Variants in VWC2 observed in about 807,000 individuals in gnomAD.
The protein encoded by VWC2 is brorin.
A neutral mutation model predicts 29.8 loss-of-function variants in VWC2; 14 were observed. The ratio of observed to expected loss-of-function variants is 0.47; its 90% confidence interval spans 0.31 to 0.74. The LOEUF is 0.74. Ranked by LOEUF, VWC2 falls within the 30% of genes least tolerant of loss-of-function variation. The pLI is 0.05. For synonymous variants in VWC2, 213 were observed against 199.0 expected, an observed-to-expected ratio of 1.07 and a Z score of -0.59; for missense variants, 457 against 459.8, an observed-to-expected ratio of 0.99 and a Z score of 0.05.
chr7:49,859,068 T>C (rs1033900359), intron 3 of VWC2, among the ~76,000 whole-genome samples: 3 of 152,254 alleles, frequency 2.0e-5, no homozygotes, highest in South Asian at 2.1e-4. Flanking sequence ...TTGTTTTACA[T>C]TGTGGCCCAT....
downstream of VWC2, among the ~76,000 whole-genome samples, chr7:49,922,142 T>A (rs1794045228): frequency 6.6e-6 from 1 of 152,200 alleles, no homozygotes; most frequent in Non-Finnish European, 1.5e-5. Context: ...TTTCTCTTAT[T>A]TAATGAAAGA....
At chr7:49,904,935 C>T (rs1793005818) in intron 3 of VWC2, among the ~76,000 whole-genome samples, 1 of 151,882 alleles carries the variant, frequency 6.6e-6, no homozygotes, top group Non-Finnish European at 1.5e-5. Flanking sequence ...GGGGTTTCAC[C>T]ATCTTGGCCA....
At chr7:49,880,256 A>G (rs1791607162) in intron 3 of VWC2, among the ~76,000 whole-genome samples, 1 of 152,164 alleles carries the variant, frequency 6.6e-6, no homozygotes, top group South Asian at 2.1e-4. Flanking sequence ...ATGTTGACAC[A>G]TTTCCATATA....
chr7:49,877,481 A>AAAAAAATATACAT lies in VWC2; in HGVS notation c.827-34552_827-34551insAAAAATATACATA. On this transcript the variant is annotated intron_variant, in intron 3 of 3. Transcript: ENST00000340652. ...CTGTCTCAAAAAAAAAAAAAAAAAA[A>AAAAAAATATACAT]ATATATATATATATATATATATATA... 3.9e-3 allele frequency among the ~76,000 whole-genome samples: 50 copies of AAAAAAATATACAT among 12,730 alleles called. 15 individuals carry two copies. The highest frequency in any genetic ancestry group is 6.6e-3 in the South Asian group (2 of 302). 8.4% of individuals were successfully genotyped at this position (12,730 alleles called of 152,430 possible).
chr7:49,882,061 ATTT>A (rs960140078), intron 3 of VWC2, among the ~76,000 whole-genome samples: 1 of 152,146 alleles, frequency 6.6e-6, no homozygotes, highest in Non-Finnish European at 1.5e-5. Flanking sequence ...TTGCTCATAA[ATTT>A]TTGTTTTAAA....
chr7:49,906,598 A>C (rs1361054768), intron 3 of VWC2, among the ~76,000 whole-genome samples: 2 of 152,216 alleles, frequency 1.3e-5, no homozygotes, highest in Non-Finnish European at 2.9e-5. Flanking sequence ...GGCCTCACAA[A>C]GTGCTGGGAT....
chr7:49,897,919 G>A (rs889055993), intron 3 of VWC2, among the ~76,000 whole-genome samples: 13 of 152,150 alleles, frequency 8.5e-5, no homozygotes, highest in African/African-American at 2.9e-4. Flanking sequence ...CACACTTCTT[G>A]CAGGGGGAGG....
chr7:49,784,749 T>C (rs894379315), intron 2 of VWC2, among the ~76,000 whole-genome samples: 1 of 152,196 alleles, frequency 6.6e-6, no homozygotes, highest in African/African-American at 2.4e-5. Context: ...GTCTGCAAAG[T>C]CCAAATGGAA....
intron 2 of VWC2, among the ~76,000 whole-genome samples, chr7:49,791,703 T>A (rs1219775712): frequency 2.0e-5 from 3 of 152,188 alleles, no homozygotes; most frequent in Non-Finnish European, 4.4e-5. Context: ...ATCTGACCCC[T>A]TGGCTTTGCC....
rs1360073019 is a variant in VWC2, at chr7:49,921,591, G to A, written c.*9406G>A. 6.6e-6 allele frequency: 1 copy of A among 152,112 alleles called. No individual in the cohort carries two copies. Among genetic ancestry groups the A allele is most frequent in the East Asian group, 1.9e-4 (1 of 5,198 alleles). The allele number at this position is 152,112 out of a possible 1,614,324, so 9.4% of individuals were successfully genotyped here. ...GTATCAACCACTAAGAGGATTAAAT[G>A]AGTGAATATTTGTAAAACACGTAGC... is the stretch of plus-strand genomic sequence containing the variant. On this transcript the variant is annotated 3_prime_UTR_variant, in exon 4 of 4. Coordinates refer to ENST00000340652, the MANE Select transcript of VWC2 (RefSeq NM_198570.5).
intron 3 of VWC2, among the ~76,000 whole-genome samples, chr7:49,885,653 C>T (rs1455484143): frequency 1.3e-5 from 2 of 152,206 alleles, no homozygotes; most frequent in South Asian, 2.1e-4. Context: ...TCTGAAAGTT[C>T]TACCTAGTCC....
chr7:49,839,388 T>C (rs891806968), intron 3 of VWC2, among the ~76,000 whole-genome samples: 1 of 152,218 alleles, frequency 6.6e-6, no homozygotes, highest in African/African-American at 2.4e-5. Flanking sequence ...TATGCTCGTT[T>C]AAAACATGCT....
intron 1 of VWC2, among the ~76,000 whole-genome samples, chr7:49,774,605 G>T (rs376137221): frequency 7.3e-4 from 111 of 152,290 alleles, no homozygotes; most frequent in Middle Eastern, 3.4e-3. Context: ...GACACTACAA[G>T]ACTGAGCGCT....
intron 2 of VWC2, among the ~76,000 whole-genome samples, chr7:49,779,822 G>GATGTCCATCTT (rs1788135873): frequency 6.6e-6 from 1 of 152,118 alleles, no homozygotes; most frequent in South Asian, 2.1e-4. Context: ...TCTCTCCTTG[G>GATGTCCATCTT]CTTGCAGATG....
At chr7:49,831,099 C>A (rs1562721987) in intron 3 of VWC2, among the ~76,000 whole-genome samples, 1 of 152,186 alleles carries the variant, frequency 6.6e-6, no homozygotes, top group Non-Finnish European at 1.5e-5. Context: ...AGGTGGTAAT[C>A]ACTCTTCTTT....
chr7:49,886,302 C>G (rs1338543805), intron 3 of VWC2, among the ~76,000 whole-genome samples: 1 of 151,856 alleles, frequency 6.6e-6, no homozygotes. Flanking sequence ...AGAGTACATT[C>G]CTATTTGGAA....
At chr7:49,847,010 C>T (rs1000257157) in intron 3 of VWC2, among the ~76,000 whole-genome samples, 2 of 152,174 alleles carry the variant, frequency 1.3e-5, no homozygotes, top group East Asian at 1.9e-4. Context: ...GAATTTAACT[C>T]TAACTTGCAG....
Position 49,799,277 on chromosome 7 carries a change from G to A in VWC2, c.697-3434G>A, listed in dbSNP as rs545291730. Among the ~76,000 whole-genome samples the A allele has an allele frequency of 1.1e-4, 16 of 152,348 alleles. No individual in the cohort carries two copies. The South Asian group carries it at 1.7e-3, about 16-fold the overall frequency. On this transcript the variant is annotated intron_variant, in intron 2 of 3. Coordinates refer to ENST00000340652, the MANE Select transcript of VWC2 (RefSeq NM_198570.5). The stretch of plus-strand genomic sequence containing the variant: ...AACTGCCTCAGGCCTAGGACAGCCC[G>A]CCTGCAGGAGATGGGAACATAAACC...
Position 49,824,195 on chromosome 7 carries a change from T to C in VWC2, c.826+21355T>C, listed in dbSNP as rs146056441. ...TTTGCCTAATCCAAGGTCACAAGTT[T>C]CTCTTACATTGTCTTCCAGAAGTTT... On this transcript the variant is annotated intron_variant, in intron 3 of 3. Transcript: ENST00000340652. Among the ~76,000 whole-genome samples, 1,114 of 152,310 alleles carry C rather than the reference T, an allele frequency of 7.3e-3. 50 individuals are homozygous for C. In the South Asian group the frequency reaches 0.12, roughly 16 times the overall value.
Sources: allele counts gnomAD v4.1 joint callset (sites outside exome capture counted in the v4.1 genomes callset), GRCh38; gene constraint gnomAD v4.1.1; transcripts MANE v1.5; gene names NCBI Gene and HGNC (gene_info 2026-07-23, HGNC 2026-07-21).